TTC8: variants seen among roughly 807,000 people sequenced by gnomAD.
The protein encoded by TTC8 is tetratricopeptide repeat domain 8.
A neutral mutation model predicts 72.5 loss-of-function variants in TTC8; 47 were observed. The observed-to-expected ratio is 0.65, with a 90% confidence interval of 0.51 to 0.83. The LOEUF (loss-of-function observed/expected upper bound fraction) is 0.83. TTC8 is among the 40% of genes least tolerant of loss of function. TTC8 has a pLI of 0.00. For missense variants in TTC8, 611 were observed against 623.2 expected, an observed-to-expected ratio of 0.98 and a Z score of 0.21; for synonymous variants, 199 against 221.4, an observed-to-expected ratio of 0.90 and a Z score of 0.90.
rs1437995550 is a variant in TTC8 at position 88,872,546 on chromosome 14, T to G, written c.1347+94T>G. On this transcript the variant is annotated intron_variant, in intron 13 of 14. Transcript: ENST00000380656. ...CATTACAGCGTATGTTATTTTAAAA[T>G]GAGCTCTAGAATCTGACAGGCGTGG... is the stretch of plus-strand genomic sequence containing the variant. 5 of 1,564,142 alleles carry G rather than the reference T, an allele frequency of 3.2e-6. No individual in the cohort carries two copies. The African/African-American group carries it at 6.8e-5, about 21-fold the overall frequency.
At chr14:88,869,561 T>G (rs953955928) in intron 10 of TTC8, among the ~76,000 whole-genome samples, 7 of 152,136 alleles carry the variant, frequency 4.6e-5, no homozygotes, top group Admixed American at 3.3e-4. Flanking sequence ...TCTCATCTCC[T>G]TTTGTGCCAC....
chr14:88,859,822 A>C (rs963970919), intron 9 of TTC8, among the ~76,000 whole-genome samples: 2 of 114,016 alleles, frequency 1.8e-5, no homozygotes, highest in African/African-American at 5.5e-5. Flanking sequence ...AGATTATATA[A>C]TTATAAACAT....
chr14:88,842,185 A>C (rs2043772535), intron 6 of TTC8, among the ~76,000 whole-genome samples: 2 of 152,214 alleles, frequency 1.3e-5, no homozygotes, highest in Admixed American at 1.3e-4. Context: ...AGACAGGAGC[A>C]CTTATCTTCC....
In TTC8 at chr14:88,861,290, A is replaced by G. The variant is rs1268671013; in HGVS notation, c.867A>G (p.Pro289=). Residue 289 remains proline (P), a synonymous_variant, in exon 10 of 15, where the codon CCA becomes CCG. Transcript: ENST00000380656. ...NLFKQGLDKF[P]GEVTLLCGIA... ...TCAAACAAGGCTTAGATAAGTTTCC[A>G]GGAGAAGTAACCCTGCTCTGTGGAA... The G allele has an allele frequency of 6.2e-7, 1 of 1,612,918 alleles. No homozygotes were observed.
rs2094793607 is a variant in TTC8, at chr14:88,843,829, T to C, written c.603T>C (p.His201=). 2 of 1,597,118 alleles carry C rather than the reference T, an allele frequency of 1.3e-6. No individual in the cohort carries two copies. Among genetic ancestry groups the C allele is most frequent in the African/African-American group, 1.3e-5 (1 of 74,692 alleles). The change falls in exon 7 of 15, where the codon CAT becomes CAC. Residue 201 remains histidine, a synonymous_variant. Coordinates refer to ENST00000380656, the MANE Select transcript of TTC8 (RefSeq NM_144596.4). The part of the protein sequence containing the change: ...LAKALFEYIF[H]HENDVKTALD... ...AGGCTTTGTTTGAGTATATCTTTCA[T>C]CATGAAAATGATGTTAAGACTGTAA...
At chr14:88,858,190 G>A (rs544827548) in intron 9 of TTC8, among the ~76,000 whole-genome samples, 6 of 152,162 alleles carry the variant, frequency 3.9e-5, no homozygotes, top group South Asian at 2.1e-4. Flanking sequence ...TTGAGCTGCC[G>A]GCCTCAAGTG....
intron 10 of TTC8, among the ~76,000 whole-genome samples, chr14:88,868,819 C>T (rs1386986228): frequency 1.3e-5 from 2 of 152,116 alleles, no homozygotes; most frequent in African/African-American, 2.4e-5. Context: ...CAGGTATCAG[C>T]ATAGCAGAAT....
At chr14:88,852,775 C>G (rs558354668) in intron 7 of TTC8, among the ~76,000 whole-genome samples, 196 bp from the exon 8 acceptor site, 1 of 152,146 alleles carries the variant, frequency 6.6e-6, no homozygotes, top group Non-Finnish European at 1.5e-5. Flanking sequence ...ATCTCATCTG[C>G]TATTAGCCCT....
intron 10 of TTC8, among the ~76,000 whole-genome samples, chr14:88,864,309 A>G (rs1210414613): frequency 4.6e-5 from 7 of 152,262 alleles, no homozygotes; most frequent in Non-Finnish European, 4.4e-5. Context: ...TAAATTGAGT[A>G]TGAATAAAAC....
intron 13 of TTC8, 149 bp downstream of exon 13, chr14:88,872,601 C>G: frequency 8.6e-7 from 1 of 1,164,040 alleles, no homozygotes; most frequent in Non-Finnish European, 1.2e-6. Context: ...TGTGTATTAG[C>G]TGTGTGACCT....
Position 88,853,066 on chromosome 14 carries a change from A to G in TTC8, c.710+10A>G. The G allele has an allele frequency of 6.2e-7, 1 of 1,605,778 alleles. No individual in the cohort carries two copies. Among genetic ancestry groups the G allele is most frequent in the Non-Finnish European group, 8.5e-7 (1 of 1,172,888 alleles). On this transcript the variant is annotated intron_variant, in intron 8 of 14. Transcript: ENST00000380656. Reference sequence around the variant, plus strand: ...GAAAATGTTACTACAGGTAAATTTCATTATTTGTGAAGGGCTTAGAAGTGG... The same window carrying G: ...GAAAATGTTACTACAGGTAAATTTCGTTATTTGTGAAGGGCTTAGAAGTGG...
At chr14:88,824,457 T>C (rs2094688803), upstream of TTC8, 1 of 515,672 alleles carries the variant, frequency 1.9e-6, no homozygotes. Flanking sequence ...CGGTGCCTTC[T>C]TTTCAAAATC....
chr14:88,874,263 A>G (rs2094947552), intron 13 of TTC8, among the ~76,000 whole-genome samples: 1 of 152,114 alleles, frequency 6.6e-6, no homozygotes, highest in African/African-American at 2.4e-5. Flanking sequence ...TTTGTTTTCC[A>G]TTAAAAAAGT....
intron 1 of TTC8, chr14:88,831,067 A>T (rs2094723508): frequency 2.9e-6 from 1 of 346,450 alleles, no homozygotes. Flanking sequence ...TTTTCTGGTC[A>T]CAACACGGCT....
intron 9 of TTC8, among the ~76,000 whole-genome samples, chr14:88,859,871 A>ATAT (rs2094876495): frequency 8.4e-6 from 1 of 118,996 alleles, no homozygotes; most frequent in South Asian, 3.5e-4. Flanking sequence ...TATAATATAA[A>ATAT]TATATTATAT....
At position 88,871,918 on chromosome 14, in the gene TTC8, A is replaced by C. The variant is rs1286435833; in HGVS notation, c.1224+195A>C. ...AATTTAAAAATTAGCTGGGTGTGGT[A>C]GTGCACATCTGTAGTCCCAGCTACT... is the stretch of plus-strand genomic sequence containing the variant. On this transcript the variant is annotated intron_variant, in intron 12 of 14. Transcript: ENST00000380656. The surrounding 1 kb of genome is among the most constrained non-coding windows in gnomAD (Gnocchi z 4.1). 6.6e-6 allele frequency among the ~76,000 whole-genome samples: 1 copy of C among 151,988 alleles called. No homozygotes were observed. Among genetic ancestry groups the C allele is most frequent in the Non-Finnish European group, 1.5e-5 (1 of 67,986 alleles).
At position 88,877,267 on chromosome 14, in the gene TTC8, A is replaced by G. The variant is rs751355404; in HGVS notation, c.1432-27A>G. On this transcript the variant is annotated intron_variant, in intron 14 of 14. Coordinates refer to ENST00000380656, the MANE Select transcript of TTC8 (RefSeq NM_144596.4). Reference sequence around the variant, plus strand: ...ACTCATTTTTTTCTGATCTCATTCCATGGTCTTATTCTTGTATTTTTTGCA... The same window carrying G: ...ACTCATTTTTTTCTGATCTCATTCCGTGGTCTTATTCTTGTATTTTTTGCA... 13 of 1,563,418 alleles carry G rather than the reference A, an allele frequency of 8.3e-6. No homozygotes were observed. In the East Asian group the frequency reaches 2.0e-4, roughly 24 times the overall value.
chr14:88,824,310 C>A, upstream of TTC8: 1 of 204,262 alleles, frequency 4.9e-6, no homozygotes, highest in Admixed American at 5.5e-5. Flanking sequence ...GGACAGACAC[C>A]AGACAGAGAT....
In TTC8 at chr14:88,852,967, A is replaced by G. The variant is rs765506299; in HGVS notation, c.625-4A>G. ...TACTAATCTAAAATGAATTGTTTTC[A>G]AAGGCTTTGGATCTGGCTGCCCTCT... On this transcript the variant is annotated splice_region_variant and splice_polypyrimidine_tract_variant and intron_variant, in intron 7 of 14. Coordinates refer to ENST00000380656, the MANE Select transcript of TTC8 (RefSeq NM_144596.4). 1 of 1,612,508 alleles carries G rather than the reference A, an allele frequency of 6.2e-7. No homozygotes were observed. The highest frequency in any genetic ancestry group is 2.2e-5 in the East Asian group (1 of 44,794).
Sources: gnomAD v4.1 joint callset for allele counts (sites outside exome capture counted in the v4.1 genomes callset) on GRCh38, gnomAD v4.1.1 for gene constraint, Gnocchi (gnomAD v3.1) non-coding constraint, MANE v1.5 for transcripts, NCBI Gene and HGNC (gene_info 2026-07-23, HGNC 2026-07-21) for gene names.